Variants in SLC6A6 observed in about 807,000 individuals in gnomAD.
The protein encoded by SLC6A6 is sodium- and chloride-dependent taurine transporter.
Under a neutral mutation model 68.8 loss-of-function variants are expected in SLC6A6, and 16 were observed. That is an observed-to-expected ratio of 0.23 (90% CI 0.16 to 0.35). The LOEUF is 0.35. Ranked by LOEUF, SLC6A6 falls within the 10% of genes least tolerant of loss-of-function variation. The probability of loss-of-function intolerance (pLI) is 1.00; values close to 1 mark genes in which losing one functional copy is unlikely to be tolerated. For missense variants in SLC6A6, 474 were observed against 802.8 expected (o/e 0.59, Z 4.95); for synonymous variants, 312 against 315.4 (o/e 0.99, Z 0.12).
At chr3:14,418,875 A>G (rs936944925) in intron 2 of SLC6A6, among the ~76,000 whole-genome samples, 5 of 152,190 alleles carry the variant, frequency 3.3e-5, no homozygotes, top group African/African-American at 1.2e-4. Flanking sequence ...GAAGGATTTG[A>G]ACCTGATTGA....
intron 1 of SLC6A6, among the ~76,000 whole-genome samples, chr3:14,409,088 G>A (rs902540004): frequency 5.9e-5 from 9 of 152,222 alleles, no homozygotes; most frequent in Admixed American, 3.3e-4. Context: ...GATTACTGGC[G>A]TGAGCCACCA....
chr3:14,460,058 T>G lies in SLC6A6; in HGVS notation c.732+1976T>G, dbSNP rs555850658. Among the ~76,000 whole-genome samples, 15 of 152,140 alleles carry G rather than the reference T, an allele frequency of 9.9e-5. No individual in the cohort carries two copies. In the South Asian group the frequency reaches 1.7e-3, roughly 17 times the overall value. On this transcript the variant is annotated intron_variant, in intron 6 of 14. Coordinates refer to ENST00000622186, the MANE Select transcript of SLC6A6 (RefSeq NM_003043.6). ...ACCACAGGCACATGCCACCATGCCCTTCTTCACTCTGCCTCAGTTTCCCCA... is the reference window on the plus strand; with the variant it reads ...ACCACAGGCACATGCCACCATGCCCGTCTTCACTCTGCCTCAGTTTCCCCA...
At chr3:14,474,116 G>A (rs112427770) in intron 10 of SLC6A6, among the ~76,000 whole-genome samples, 7 of 152,330 alleles carry the variant, frequency 4.6e-5, no homozygotes, top group Non-Finnish European at 7.4e-5. Flanking sequence ...GACAAGGGTA[G>A]AAATCGAACC....
intron 1 of SLC6A6, among the ~76,000 whole-genome samples, chr3:14,408,437 C>T (rs563459838): frequency 4.0e-5 from 6 of 151,662 alleles, no homozygotes; most frequent in South Asian, 2.1e-4. Context: ...CAGGTTCAAG[C>T]GATTCTCCTG....
At chr3:14,429,095 A>G (rs1376556740) in intron 2 of SLC6A6, among the ~76,000 whole-genome samples, 2 of 152,104 alleles carry the variant, frequency 1.3e-5, no homozygotes, top group Admixed American at 6.5e-5. Flanking sequence ...AGTCTCAAAC[A>G]TGCAGGCCTC....
At chr3:14,444,489 A>G in intron 3 of SLC6A6, 1 of 263,358 alleles carries the variant, frequency 3.8e-6, no homozygotes, top group Non-Finnish European at 7.7e-6. Context: ...GGCTCCGAGC[A>G]GGAACCCTCT....
intron 5 of SLC6A6, among the ~76,000 whole-genome samples, chr3:14,448,881 T>G (rs908978142): frequency 2.6e-5 from 4 of 152,246 alleles, no homozygotes; most frequent in African/African-American, 9.6e-5. Context: ...AAGCCAGCCT[T>G]GGGGCTCAGC....
intron 5 of SLC6A6, among the ~76,000 whole-genome samples, chr3:14,451,131 C>G (rs192250327): frequency 2.0e-5 from 3 of 152,196 alleles, no homozygotes; most frequent in African/African-American, 7.2e-5. Flanking sequence ...TGAATCCAAC[C>G]TGTTAATTCC....
intron 5 of SLC6A6, among the ~76,000 whole-genome samples, chr3:14,454,121 C>T (rs912998306): frequency 6.6e-6 from 1 of 152,098 alleles, no homozygotes; most frequent in Non-Finnish European, 1.5e-5. Context: ...GGCCGGGGAG[C>T]GGGAGCCCTG....
intron 1 of SLC6A6, among the ~76,000 whole-genome samples, chr3:14,412,615 C>G (rs966647167): frequency 6.6e-6 from 1 of 152,280 alleles, no homozygotes; most frequent in South Asian, 2.1e-4. Flanking sequence ...GAGCTGAGAT[C>G]GTGCCACCGC....
At chr3:14,444,873 TC>T (rs1484387734) in intron 3 of SLC6A6, 2 of 455,044 alleles carry the variant, frequency 4.4e-6, no homozygotes, top group Non-Finnish European at 8.8e-6. Context: ...CCAGGTAGGA[TC>T]CCCTGCCCCA....
intron 5 of SLC6A6, among the ~76,000 whole-genome samples, chr3:14,449,729 A>T (rs929274192): frequency 6.6e-6 from 1 of 152,134 alleles, no homozygotes; most frequent in African/African-American, 2.4e-5. Flanking sequence ...GCCAGCCCTG[A>T]GAATCCATTA....
chr3:14,477,239 T>C lies in SLC6A6; in HGVS notation c.1244T>C (p.Val415Ala). 1 of 1,613,416 alleles carries C rather than the reference T, an allele frequency of 6.2e-7. No individual in the cohort carries two copies. The highest frequency in any genetic ancestry group is 8.5e-7 in the Non-Finnish European group (1 of 1,179,424). The change falls in exon 11 of 15, where the codon GTT (valine) becomes GCT (alanine). Residue 415 changes from valine (V) to alanine (A), a missense_variant. Physicochemically the swap from Val to Ala is moderately conservative, Grantham distance 64. Transcript: ENST00000622186. This position sits in a 1 kb window ranked among gnomAD's most constrained non-coding sequence, Gnocchi z 4.2. ...VEVEGQITSL[V>A]DLYPSFLRKG... Reference sequence around the variant, plus strand: ...GTTGAAGGACAGATCACATCCTTGGTTGATCTTTACCCATCCTTCCTAAGG... The same window carrying C: ...GTTGAAGGACAGATCACATCCTTGGCTGATCTTTACCCATCCTTCCTAAGG...
At position 14,479,731 on chromosome 3, in the gene SLC6A6, C is replaced by T. The variant is rs543237945; in HGVS notation, c.1551+546C>T. 1.3e-4 allele frequency among the ~76,000 whole-genome samples: 20 copies of T among 152,288 alleles called. 1 individual carries two copies. In the South Asian group the frequency reaches 2.1e-3, roughly 16 times the overall value. ...CAGGCCCAAGGGTATCAGTGTGCCACGTTGTTCTTCCCACGAGGATGCTCT... is the reference window on the plus strand; with the variant it reads ...CAGGCCCAAGGGTATCAGTGTGCCATGTTGTTCTTCCCACGAGGATGCTCT... On this transcript the variant is annotated intron_variant, in intron 13 of 14. Coordinates refer to ENST00000622186, the MANE Select transcript of SLC6A6 (RefSeq NM_003043.6).
At chr3:14,484,841 C>G (rs779489422) in intron 14 of SLC6A6, 26 bp from the exon 15 acceptor site, 4 of 1,607,802 alleles carry the variant, frequency 2.5e-6, no homozygotes, top group Admixed American at 1.7e-5. Context: ...GACGTTTCCC[C>G]CCTCACTCCT....
In SLC6A6 at chr3:14,487,512, C is replaced by T. The variant is rs1330672165; in HGVS notation, c.*2505C>T. The T allele has an allele frequency of 6.6e-6, 1 of 152,264 alleles. No individual in the cohort carries two copies. Among genetic ancestry groups the T allele is most frequent in the Admixed American group, 6.5e-5 (1 of 15,290 alleles). The allele number at this position is 152,264 out of a possible 1,614,324, so 9.4% of individuals were successfully genotyped here. Reference sequence around the variant, plus strand: ...TATAGAGAATGGGCAAAGTCCTTCACCTGCTTTCTGCTTGGGATGGGTCAG... The same window carrying T: ...TATAGAGAATGGGCAAAGTCCTTCATCTGCTTTCTGCTTGGGATGGGTCAG... On this transcript the variant is annotated 3_prime_UTR_variant, in exon 15 of 15. Coordinates refer to ENST00000622186, the MANE Select transcript of SLC6A6 (RefSeq NM_003043.6).
chr3:14,474,805 G>A (rs1003421475), intron 10 of SLC6A6, among the ~76,000 whole-genome samples: 5 of 152,200 alleles, frequency 3.3e-5, no homozygotes, highest in Non-Finnish European at 5.9e-5. Flanking sequence ...TTGGAAGTAT[G>A]GAGATCTACA....
chr3:14,431,298 A>G (rs1206250401), intron 2 of SLC6A6, among the ~76,000 whole-genome samples: 2 of 152,182 alleles, frequency 1.3e-5, no homozygotes, highest in Non-Finnish European at 2.9e-5. Context: ...GTTTCTCCCT[A>G]TGCAGAGTGT....
chr3:14,436,847 C>T (rs1699867877), intron 2 of SLC6A6, among the ~76,000 whole-genome samples: 1 of 152,192 alleles, frequency 6.6e-6, no homozygotes, highest in Non-Finnish European at 1.5e-5. Context: ...AGGCCCTGTC[C>T]AGCCTCCTGA....
Sources: gnomAD v4.1 joint callset for allele counts (sites outside exome capture counted in the v4.1 genomes callset) on GRCh38, gnomAD v4.1.1 for gene constraint, Gnocchi (gnomAD v3.1) non-coding constraint, MANE v1.5 for transcripts, NCBI Gene and HGNC (gene_info 2026-07-23, HGNC 2026-07-21) for gene names.